The following PRKG1 variants were observed in gnomAD, a reference collection of about 807,000 sequenced individuals.
PRKG1 encodes protein kinase cGMP-dependent 1, also known as cGMP-dependent protein kinase 1.
In PRKG1, 35 loss-of-function variants were observed where a neutral mutation model predicts 88.1. The ratio of observed to expected loss-of-function variants is 0.40; its 90% CI spans 0.30 to 0.53. PRKG1 has a LOEUF of 0.53. Ranked by LOEUF, PRKG1 falls within the 20% of genes least tolerant of loss-of-function variation. The probability of loss-of-function intolerance (pLI) is 0.59; values close to 1 mark genes in which losing one functional copy is unlikely to be tolerated. For missense variants in PRKG1, 540 were observed against 839.8 expected, an observed-to-expected ratio of 0.64 and a Z score of 4.41; for synonymous variants, 303 against 292.5, an observed-to-expected ratio of 1.04 and a Z score of -0.37.
chr10:51,599,881 G>A (rs552205227), intron 3 of PRKG1, among the ~76,000 whole-genome samples: 2 of 152,228 alleles, frequency 1.3e-5, no homozygotes, highest in South Asian at 2.1e-4. Flanking sequence ...TTTTCAGCAA[G>A]CTTTTTCCCC....
intron 4 of PRKG1, among the ~76,000 whole-genome samples, chr10:51,880,258 T>A (rs1399206425): frequency 1.3e-5 from 2 of 149,210 alleles, no homozygotes; most frequent in South Asian, 2.1e-4. Context: ...AGAACTGAGC[T>A]AAAAAAAAAA....
At chr10:52,105,701 T>G (rs1362976839) in intron 7 of PRKG1, among the ~76,000 whole-genome samples, 9 of 152,166 alleles carry the variant, frequency 5.9e-5, no homozygotes, top group Non-Finnish European at 2.9e-5. Flanking sequence ...GGGGGTTTGT[T>G]GTACAGATTA....
chr10:52,047,677 G>C (rs1018482673), intron 5 of PRKG1, among the ~76,000 whole-genome samples: 1 of 152,058 alleles, frequency 6.6e-6, no homozygotes, highest in African/African-American at 2.4e-5. Context: ...TTACTAGCAT[G>C]GTTTTTGATT....
At chr10:51,628,664 C>G (rs1162322694) in intron 3 of PRKG1, among the ~76,000 whole-genome samples, 3 of 152,066 alleles carry the variant, frequency 2.0e-5, no homozygotes, top group Middle Eastern at 6.3e-3. Flanking sequence ...TCAAGTTTTT[C>G]AAAACTGCAA....
chr10:51,388,427 A>T (rs1837307080), intron 2 of PRKG1, among the ~76,000 whole-genome samples: 1 of 152,170 alleles, frequency 6.6e-6, no homozygotes, highest in Non-Finnish European at 1.5e-5. Flanking sequence ...TGATGCCTAA[A>T]ATCACTAAGA....
At chr10:52,174,105 T>TC (rs1435918101) in intron 9 of PRKG1, among the ~76,000 whole-genome samples, 1 of 143,538 alleles carries the variant, frequency 7.0e-6, no homozygotes, top group African/African-American at 2.6e-5. Flanking sequence ...ATCAGGTTTT[T>TC]TTAATTTATT....
intron 7 of PRKG1, among the ~76,000 whole-genome samples, chr10:52,089,218 A>G (rs1846991347): frequency 6.6e-6 from 1 of 152,192 alleles, no homozygotes; most frequent in Non-Finnish European, 1.5e-5. Context: ...AAAAGGTTTC[A>G]CTTCAAAGGG....
intron 4 of PRKG1, among the ~76,000 whole-genome samples, chr10:51,869,212 T>C (rs931476290): frequency 2.6e-5 from 4 of 152,184 alleles, no homozygotes; most frequent in African/African-American, 7.2e-5. Context: ...CCAACCGTAC[T>C]TCTCAGTCTC....
intron 3 of PRKG1, among the ~76,000 whole-genome samples, chr10:51,669,080 C>T (rs1391257157): frequency 6.6e-6 from 1 of 152,148 alleles, no homozygotes; most frequent in Non-Finnish European, 1.5e-5. Context: ...TAATTGTGTT[C>T]TACATACTCT....
chr10:51,992,749 G>A (rs1035763389), intron 5 of PRKG1, among the ~76,000 whole-genome samples: 1 of 152,164 alleles, frequency 6.6e-6, no homozygotes, highest in Non-Finnish European at 1.5e-5. Context: ...GCATATGTGT[G>A]CATGCAAATA....
chr10:52,047,270 C>T lies in PRKG1; in HGVS notation c.763-7214C>T, dbSNP rs533867186. 2.0e-5 allele frequency among the ~76,000 whole-genome samples: 3 copies of T among 152,146 alleles called. No individual in the cohort carries two copies. In the South Asian group the frequency reaches 6.2e-4, roughly 32 times the overall value. ...TAGCCTGAATGAAGTTATCTGTTAT[C>T]CAAGAAAACAGTTCATAGCAGAACA... is the stretch of plus-strand genomic sequence containing the variant. On this transcript the variant is annotated intron_variant, in intron 5 of 17. Transcript: ENST00000373980.
intron 1 of PRKG1, among the ~76,000 whole-genome samples, chr10:51,095,515 T>G (rs1255481184): frequency 1.3e-5 from 2 of 152,154 alleles, no homozygotes; most frequent in African/African-American, 2.4e-5. Context: ...TCATTTAAAA[T>G]TAATAGCCCC....
chr10:52,186,784 A>G (rs1839212076), intron 9 of PRKG1, among the ~76,000 whole-genome samples: 1 of 152,168 alleles, frequency 6.6e-6, no homozygotes, highest in Non-Finnish European at 1.5e-5. Context: ...AAGAAAAATA[A>G]ATACAAAATT....
At chr10:52,129,714 G>A (rs1837204494) in intron 7 of PRKG1, among the ~76,000 whole-genome samples, 1 of 152,082 alleles carries the variant, frequency 6.6e-6, no homozygotes, top group African/African-American at 2.4e-5. Flanking sequence ...ACATAGCTAT[G>A]GATGGGAATT....
chr10:51,018,166 A>C (rs1377982429), intron 1 of PRKG1, among the ~76,000 whole-genome samples: 6 of 152,100 alleles, frequency 3.9e-5, no homozygotes, highest in African/African-American at 1.4e-4. Context: ...TTCCATAACT[A>C]TTCTAGGAGA....
chr10:51,703,682 G>A (rs935953254), intron 3 of PRKG1, among the ~76,000 whole-genome samples: 1 of 152,120 alleles, frequency 6.6e-6, no homozygotes, highest in Non-Finnish European at 1.5e-5. Context: ...TGTAAATGTG[G>A]TCCTTGGTTC....
At chr10:52,053,609 C>T (rs1393304983) in intron 5 of PRKG1, among the ~76,000 whole-genome samples, 2 of 152,188 alleles carry the variant, frequency 1.3e-5, no homozygotes, top group East Asian at 3.8e-4. Context: ...CAGCAGTATA[C>T]TTTCTCCGAC....
chr10:51,615,415 A>G (rs1312863659), intron 3 of PRKG1, among the ~76,000 whole-genome samples: 1 of 152,076 alleles, frequency 6.6e-6, no homozygotes, highest in African/African-American at 2.4e-5. Flanking sequence ...TATTTGAGTA[A>G]TTCAGTTTTC....
chr10:51,297,271 C>A (rs1252434304), intron 2 of PRKG1, among the ~76,000 whole-genome samples: 1 of 152,046 alleles, frequency 6.6e-6, no homozygotes, highest in Non-Finnish European at 1.5e-5. Context: ...TCAACTTGTT[C>A]TCTAAAGTTA....
Sources: gnomAD v4.1 joint callset for allele counts (sites outside exome capture counted in the v4.1 genomes callset) on GRCh38, gnomAD v4.1.1 for gene constraint, MANE v1.5 for transcripts, NCBI Gene and HGNC (gene_info 2026-07-23, HGNC 2026-07-21) for gene names.